The following C2orf69 variants were observed in gnomAD, a reference collection of about 807,000 sequenced individuals.
C2orf69 encodes chromosome 2 open reading frame 69.
C2orf69 carries 19 observed loss-of-function variants against 29.5 expected under a neutral mutation model. That is an observed-to-expected ratio of 0.65 (90% CI 0.45 to 0.95). The LOEUF is 0.95. Ranked by LOEUF, C2orf69 falls within the 40% of genes least tolerant of loss-of-function variation. The pLI is 0.00. For synonymous variants in C2orf69, 194 were observed against 180.0 expected, an observed-to-expected ratio of 1.08 and a Z score of -0.62; for missense variants, 416 against 482.1, an observed-to-expected ratio of 0.86 and a Z score of 1.28.
rs2077340258 is a variant in C2orf69 at position 199,927,465 on chromosome 2, A to T, written c.*1579A>T. 5 of 151,924 alleles carry T rather than the reference A, an allele frequency of 3.3e-5. No individual in the cohort carries two copies. The highest frequency in any genetic ancestry group is 2.6e-4 in the Admixed American group (4 of 15,260). 9.4% of individuals were successfully genotyped at this position (151,924 alleles called of 1,614,324 possible). On this transcript the variant is annotated 3_prime_UTR_variant, in exon 2 of 2. Transcript: ENST00000319974. ...ATAAATACATTCCAAATATTCAGAG[A>T]TTCATGAGAAAGGATTCTTAACAAA...
chr2:199,912,398 T>C (rs1212153645), intron 1 of C2orf69, among the ~76,000 whole-genome samples: 1 of 152,242 alleles, frequency 6.6e-6, no homozygotes, highest in Non-Finnish European at 1.5e-5. Context: ...AACTGGGTCT[T>C]AATCTAACGT....
intron 1 of C2orf69, among the ~76,000 whole-genome samples, chr2:199,912,071 C>A (rs1476764279): frequency 6.6e-6 from 1 of 152,182 alleles, no homozygotes. Flanking sequence ...TGACACGCAT[C>A]TTGTATATTT....
intron 1 of C2orf69, among the ~76,000 whole-genome samples, chr2:199,918,771 G>A (rs565482489): frequency 7.9e-5 from 12 of 152,208 alleles, no homozygotes; most frequent in South Asian, 2.1e-4. Flanking sequence ...AAGTACCTCC[G>A]TGCTCCTTTA....
At position 199,927,009 on chromosome 2, in the gene C2orf69, T is replaced by G. The variant is rs1245957151; in HGVS notation, c.*1123T>G. 4 of 152,590 alleles carry G rather than the reference T, an allele frequency of 2.6e-5. No homozygotes were observed. Among genetic ancestry groups the G allele is most frequent in the African/African-American group, 9.7e-5 (4 of 41,444 alleles). The allele number at this position is 152,590 out of a possible 1,614,324, so 9.5% of individuals were successfully genotyped here. On this transcript the variant is annotated 3_prime_UTR_variant, in exon 2 of 2. Coordinates refer to ENST00000319974, the MANE Select transcript of C2orf69 (RefSeq NM_153689.6). ...AGAAAATAGCTCTCTTTGGCCAAAA[T>G]GCAAAATTACATTGCTATAAGAAAA... is the stretch of plus-strand genomic sequence containing the variant.
chr2:199,914,080 A>G (rs1393719599), intron 1 of C2orf69, among the ~76,000 whole-genome samples: 1 of 152,194 alleles, frequency 6.6e-6, no homozygotes, highest in East Asian at 1.9e-4. Flanking sequence ...TGTGGATACT[A>G]AATGAGTTCT....
At chr2:199,918,005 A>T (rs1484109582) in intron 1 of C2orf69, among the ~76,000 whole-genome samples, 2 of 152,200 alleles carry the variant, frequency 1.3e-5, no homozygotes. Flanking sequence ...AGGAAAGAGA[A>T]TGAGAGCAAA....
intron 1 of C2orf69, among the ~76,000 whole-genome samples, chr2:199,913,804 A>AAAT (rs780378654): frequency 1.1e-4 from 16 of 151,890 alleles, no homozygotes; most frequent in African/African-American, 3.9e-4. Context: ...TGCATTCCTA[A>AAAT]AATAATGATG....
chr2:199,913,340 T>TG, intron 1 of C2orf69, among the ~76,000 whole-genome samples: 1 of 91,710 alleles, frequency 1.1e-5, no homozygotes, highest in Admixed American at 1.7e-4. Flanking sequence ...TATTCTATTA[T>TG]AATATATATT....
In C2orf69 at chr2:199,911,415, G is replaced by A; in HGVS notation, c.-24G>A. 1 of 1,496,114 alleles carries A rather than the reference G, an allele frequency of 6.7e-7. No homozygotes were observed. The highest frequency in any genetic ancestry group is 2.5e-5 in the East Asian group (1 of 39,564). 92.7% of individuals were successfully genotyped at this position (1,496,114 alleles called of 1,614,324 possible). On this transcript the variant is annotated 5_prime_UTR_variant, in exon 1 of 2. Coordinates refer to ENST00000319974, the MANE Select transcript of C2orf69 (RefSeq NM_153689.6). ...AACCCCTCCGCCACCCTCCACCTCC[G>A]AACCGCTCTCGCGGCGGCGACCCAT...
At chr2:199,917,382 T>G (rs2106636394) in intron 1 of C2orf69, among the ~76,000 whole-genome samples, 1 of 152,328 alleles carries the variant, frequency 6.6e-6, no homozygotes, top group South Asian at 2.1e-4. Context: ...GAAATTCTCC[T>G]CAGAAAATGG....
intron 1 of C2orf69, among the ~76,000 whole-genome samples, chr2:199,915,098 A>G (rs2106636359): frequency 6.6e-6 from 1 of 152,328 alleles, no homozygotes; most frequent in East Asian, 1.9e-4. Flanking sequence ...ACAATGCATG[A>G]AATACTTGAA....
Position 199,913,936 on chromosome 2 carries a change from G to T in C2orf69, c.333+2165G>T, listed in dbSNP as rs147964542. The stretch of plus-strand genomic sequence containing the variant: ...CTTACATACAGTTTGAGGCCAGATT[G>T]CCTGGGTTTGAACCCTGATTTAGAA... On this transcript the variant is annotated intron_variant, in intron 1 of 1. Transcript: ENST00000319974. Among the ~76,000 whole-genome samples the T allele has an allele frequency of 3.8e-3, 582 of 152,278 alleles. 2 individuals carry two copies. Among genetic ancestry groups the T allele is most frequent in the African/African-American group, 0.013 (545 of 41,562 alleles).
chr2:199,911,542 C>G lies in C2orf69; in HGVS notation c.104C>G (p.Pro35Arg). 1.3e-6 allele frequency: 2 copies of G among 1,549,742 alleles called. No individual in the cohort carries two copies. The highest frequency in any genetic ancestry group is 2.4e-5 in the East Asian group (1 of 40,902). ...TGCTCTCAGGCCAGAACCATGAACC[C>G]GGGCGGCAGCGGCGGCGCGCGATGC... ...SSCSQARTMNPGGSGGARCSL... is the reference protein window; with the variant it reads ...SSCSQARTMNRGGSGGARCSL... Residue 35 changes from proline (P) to arginine (R), a missense_variant, in exon 1 of 2, where the codon CCG becomes CGG. Pro to Arg is a moderately radical substitution (Grantham distance 103). Around this residue, in one of 4 missense-constraint regions of C2orf69, gnomAD observed 175 missense variants for 139.9 expected, o/e 1.25. Coordinates refer to ENST00000319974, the MANE Select transcript of C2orf69 (RefSeq NM_153689.6).
Position 199,911,687 on chromosome 2 carries a change from GCAGGA to G in C2orf69, c.251_255del (p.Gln84ProfsTer30). The G allele has an allele frequency of 6.5e-7, 1 of 1,546,972 alleles. No homozygotes were observed. Among genetic ancestry groups the G allele is most frequent in the Non-Finnish European group, 8.7e-7 (1 of 1,146,880 alleles). On this transcript the variant is annotated frameshift_variant, in exon 1 of 2. Coordinates refer to ENST00000319974, the MANE Select transcript of C2orf69 (RefSeq NM_153689.6). LOFTEE classifies it high-confidence loss of function. ...CGGCGGCCGGGGAGGGACTGGAGCG[GCAGGA>G]CCTCCCCGGGGACCCAGCGAAGGAG...
In C2orf69 at chr2:199,927,019, C is replaced by A. The variant is rs1034015471; in HGVS notation, c.*1133C>A. On this transcript the variant is annotated 3_prime_UTR_variant, in exon 2 of 2. Transcript: ENST00000319974. ...TCTCTTTGGCCAAAATGCAAAATTA[C>A]ATTGCTATAAGAAAAGTTACAAGGG... 2.0e-5 allele frequency: 3 copies of A among 152,532 alleles called. No homozygotes were observed. Among genetic ancestry groups the A allele is most frequent in the African/African-American group, 7.2e-5 (3 of 41,408 alleles). 9.4% of individuals were successfully genotyped at this position (152,532 alleles called of 1,614,324 possible). A position where few individuals can be genotyped will look rare whatever the true frequency, so the allele number is the denominator to read the frequency against.
rs2105678836 is a variant in C2orf69 at position 199,927,599 on chromosome 2, T to C, written c.*1713T>C. On this transcript the variant is annotated 3_prime_UTR_variant, in exon 2 of 2. Transcript: ENST00000319974. ...TTTTTTTAAAGACAAAGTAGTATTATGTTGCTTCAGTTTCTTTAAATACCT... is the reference window on the plus strand; with the variant it reads ...TTTTTTTAAAGACAAAGTAGTATTACGTTGCTTCAGTTTCTTTAAATACCT... The C allele has an allele frequency of 6.6e-6, 1 of 151,548 alleles. No homozygotes were observed. The allele number at this position is 151,548 out of a possible 1,614,324, so 9.4% of individuals were successfully genotyped here. A position where few individuals can be genotyped will look rare whatever the true frequency, so the allele number is the denominator to read the frequency against.
intron 1 of C2orf69, among the ~76,000 whole-genome samples, chr2:199,921,749 C>T (rs2077316920): frequency 6.6e-6 from 1 of 151,870 alleles, no homozygotes; most frequent in Admixed American, 6.6e-5. Context: ...AAGAATGCTT[C>T]CTTGTATACA....
intron 1 of C2orf69, among the ~76,000 whole-genome samples, chr2:199,920,516 CTG>C (rs1311478935): frequency 1.3e-5 from 2 of 152,054 alleles, no homozygotes; most frequent in Non-Finnish European, 2.9e-5. Flanking sequence ...ATATAAATAA[CTG>C]TAGTTTCCAG....
rs2077338299 is a variant in C2orf69 at position 199,927,148 on chromosome 2, C to T, written c.*1262C>T. The T allele has an allele frequency of 6.6e-6, 1 of 151,870 alleles. No individual in the cohort carries two copies. The highest frequency in any genetic ancestry group is 1.5e-5 in the Non-Finnish European group (1 of 67,944). 9.4% of individuals were successfully genotyped at this position (151,870 alleles called of 1,614,324 possible). A position where few individuals can be genotyped will look rare whatever the true frequency, so the allele number is the denominator to read the frequency against. ...TTTCCTTCTGCCCGTTTTTCTTGAC[C>T]TAGATAAATACACTTTGAGAAATCC... On this transcript the variant is annotated 3_prime_UTR_variant, in exon 2 of 2. Coordinates refer to ENST00000319974, the MANE Select transcript of C2orf69 (RefSeq NM_153689.6).
Sources: gnomAD v4.1 joint callset for allele counts (sites outside exome capture counted in the v4.1 genomes callset) on GRCh38, gnomAD v4.1.1 for gene constraint, gnomAD v4.1.1 regional missense constraint, MANE v1.5 for transcripts, NCBI Gene and HGNC (gene_info 2026-07-23, HGNC 2026-07-21) for gene names.